Variants in LAMA2 observed in about 807,000 individuals in gnomAD.
LAMA2 encodes laminin subunit alpha-2.
Under a neutral mutation model 364.8 loss-of-function variants are expected in LAMA2, and 269 were observed. That is an observed-to-expected ratio of 0.74 (90% CI 0.67 to 0.82). LAMA2 has a LOEUF of 0.82. LAMA2 is among the 40% of genes least tolerant of loss of function. The pLI is 0.00. For missense variants in LAMA2, 3,807 were observed against 3,873.2 expected, an observed-to-expected ratio of 0.98 and a Z score of 0.45; for synonymous variants, 1,379 against 1,370.6, an observed-to-expected ratio of 1.01 and a Z score of -0.14.
At chr6:129,066,246 C>T (rs1582977096) in intron 3 of LAMA2, among the ~76,000 whole-genome samples, 1 of 150,160 alleles carries the variant, frequency 6.7e-6, no homozygotes, top group South Asian at 2.1e-4. Context: ...GGGGTTTCAC[C>T]GTTTTAGCCG....
intron 35 of LAMA2, among the ~76,000 whole-genome samples, chr6:129,385,588 C>T (rs2114660241): frequency 6.6e-6 from 1 of 152,234 alleles, no homozygotes; most frequent in Non-Finnish European, 1.5e-5. Flanking sequence ...CATTATGAGT[C>T]ATGACCTCGT....
At chr6:129,311,271 G>A (rs544606828) in intron 22 of LAMA2, among the ~76,000 whole-genome samples, 8 of 152,072 alleles carry the variant, frequency 5.3e-5, no homozygotes, top group African/African-American at 1.9e-4. Flanking sequence ...ACAGGCGTCC[G>A]CCACCACGCC....
intron 5 of LAMA2, 76 bp from the exon 6 acceptor site, chr6:129,146,883 T>A (rs1319362297): frequency 2.2e-6 from 2 of 913,210 alleles, no homozygotes; most frequent in Non-Finnish European, 3.7e-6. Flanking sequence ...AATAAAGTTT[T>A]TACTGAATGT....
chr6:128,923,162 T>C (rs1313051578), intron 1 of LAMA2, among the ~76,000 whole-genome samples: 1 of 146,100 alleles, frequency 6.8e-6, no homozygotes, highest in Admixed American at 6.9e-5. Flanking sequence ...AGCTTTGTTC[T>C]TTTGGCTTAG....
At chr6:129,472,964 C>T (rs577895022) in intron 51 of LAMA2, among the ~76,000 whole-genome samples, 30 of 152,032 alleles carry the variant, frequency 2.0e-4, no homozygotes, top group Non-Finnish European at 3.7e-4. Flanking sequence ...ATAGTTATCT[C>T]TTTTATCTTC....
intron 1 of LAMA2, among the ~76,000 whole-genome samples, chr6:128,988,695 A>G (rs1050505223): frequency 6.6e-6 from 1 of 152,166 alleles, no homozygotes; most frequent in African/African-American, 2.4e-5. Context: ...GATGGAGAGA[A>G]ATTTAGTTCT....
At chr6:129,077,666 C>G (rs1342529920) in intron 3 of LAMA2, among the ~76,000 whole-genome samples, 1 of 152,144 alleles carries the variant, frequency 6.6e-6, no homozygotes, top group Non-Finnish European at 1.5e-5. Context: ...TGCTGTATAG[C>G]ACCTTATATA....
At chr6:129,170,983 A>C (rs1780107954) in intron 9 of LAMA2, among the ~76,000 whole-genome samples, 2 of 151,294 alleles carry the variant, frequency 1.3e-5, no homozygotes, top group South Asian at 4.2e-4. Flanking sequence ...TTTATCAGAG[A>C]CTAGGATTGC....
chr6:129,336,196 T>C (rs1438790865), intron 29 of LAMA2, among the ~76,000 whole-genome samples: 3 of 152,170 alleles, frequency 2.0e-5, no homozygotes, highest in Non-Finnish European at 4.4e-5. Flanking sequence ...CAATGGCTCA[T>C]GCCTGTAATC....
intron 58 of LAMA2, among the ~76,000 whole-genome samples, chr6:129,500,101 G>A (rs540228300): frequency 1.3e-5 from 2 of 152,154 alleles, no homozygotes; most frequent in South Asian, 2.1e-4. Context: ...GAAAAGTGAT[G>A]CAAGGAAGAC....
At chr6:129,112,172 T>C (rs1299157420) in intron 4 of LAMA2, among the ~76,000 whole-genome samples, 4 of 152,020 alleles carry the variant, frequency 2.6e-5, no homozygotes, top group Non-Finnish European at 2.9e-5. Context: ...TGCAAGACTT[T>C]TGCTAAAAAT....
At chr6:129,219,003 T>C (rs265353) in intron 12 of LAMA2, among the ~76,000 whole-genome samples, 139,226 of 152,138 alleles carry the variant, frequency 0.92, 64,587 homozygotes, top group Non-Finnish European at 0.99. Flanking sequence ...AAAGAATATC[T>C]GACAATTTGC....
Position 128,980,839 on chromosome 6 carries a change from A to G in LAMA2, c.113-69079A>G, listed in dbSNP as rs183867974. On this transcript the variant is annotated intron_variant, in intron 1 of 64. Transcript: ENST00000421865. ...AAAAAAAGCTTTGATTTTAACGTGT[A>G]TATCTTAAGATTTCTTTTGATCAAT... Among the ~76,000 whole-genome samples, 452 of 152,326 alleles carry G rather than the reference A, an allele frequency of 3.0e-3. 2 individuals carry two copies. The highest frequency in any genetic ancestry group is 2.5e-3 in the Non-Finnish European group (167 of 68,042).
At chr6:129,059,369 G>A (rs1171867146) in intron 2 of LAMA2, among the ~76,000 whole-genome samples, 1 of 152,072 alleles carries the variant, frequency 6.6e-6, no homozygotes, top group South Asian at 2.1e-4. Flanking sequence ...CACAAGTCAG[G>A]ATTTTATGTT....
intron 42 of LAMA2, 130 bp from the exon 43 acceptor site, chr6:129,440,686 C>CA: frequency 1.2e-6 from 1 of 838,446 alleles, no homozygotes; most frequent in Non-Finnish European, 2.0e-6. Flanking sequence ...CTGAATGAGA[C>CA]AAAGTTCAGC....
chr6:129,158,644 T>C (rs2114983124), intron 8 of LAMA2: 5 of 1,614,130 alleles, frequency 3.1e-6, no homozygotes, highest in Middle Eastern at 3.3e-4. Context: ...CAGACAGCCA[T>C]AGAAATGAGC....
At chr6:129,117,058 C>T (rs1240970472) in intron 4 of LAMA2, among the ~76,000 whole-genome samples, 1 of 152,004 alleles carries the variant, frequency 6.6e-6, no homozygotes, top group Non-Finnish European at 1.5e-5. Flanking sequence ...TTAGTTATTG[C>T]AATTCAACTT....
intron 12 of LAMA2, among the ~76,000 whole-genome samples, chr6:129,208,369 A>G (rs1473646607): frequency 6.6e-6 from 1 of 152,116 alleles, no homozygotes. Context: ...AGCATTTGGT[A>G]TTAGCTATTA....
chr6:128,952,331 G>A (rs576455639), intron 1 of LAMA2, among the ~76,000 whole-genome samples: 63 of 152,198 alleles, frequency 4.1e-4, no homozygotes, highest in African/African-American at 1.5e-3. Context: ...AGTGCTTGTG[G>A]TAATCTGGAT....
Sources: gnomAD v4.1 joint callset for allele counts (sites outside exome capture counted in the v4.1 genomes callset) on GRCh38, gnomAD v4.1.1 for gene constraint, MANE v1.5 for transcripts, NCBI Gene and HGNC (gene_info 2026-07-23, HGNC 2026-07-21) for gene names.